CREB1: variants seen among roughly 807,000 people sequenced by gnomAD.
CREB1 encodes cAMP responsive element binding protein 1.
CREB1 carries 2 observed loss-of-function variants against 42.0 expected under a neutral mutation model. The observed-to-expected ratio is 0.05, with a 90% confidence interval of 0.02 to 0.15. The LOEUF is 0.15. Ranked by LOEUF, CREB1 falls within the 10% of genes least tolerant of loss-of-function variation. The pLI, the probability that CREB1 is intolerant of heterozygous loss-of-function variation, is 1.00. For missense variants in CREB1, 199 were observed against 388.9 expected (o/e 0.51, Z 4.11); for synonymous variants, 123 against 139.9 (o/e 0.88, Z 0.85).
chr2:207,590,240 T>C (rs1446967286), intron 7 of CREB1, among the ~76,000 whole-genome samples: 1 of 151,960 alleles, frequency 6.6e-6, no homozygotes. Flanking sequence ...TAGTTTATTA[T>C]TCTTTTACTG....
chr2:207,555,540 A>G, intron 1 of CREB1, 88 bp from the exon 2 acceptor site: 3 of 703,234 alleles, frequency 4.3e-6, no homozygotes, highest in Non-Finnish European at 7.4e-6. Flanking sequence ...CACCACATAT[A>G]TACCTATTTA....
At position 207,604,974 on chromosome 2, in the gene CREB1, C is replaced by T. The variant is rs1436274599; in HGVS notation, c.*7916C>T. Reference sequence around the variant, plus strand: ...TTGTAGATATATACCACAAGTTTATCGATTCATCCAGTTGAGTTGTTTCTA... The same window carrying T: ...TTGTAGATATATACCACAAGTTTATTGATTCATCCAGTTGAGTTGTTTCTA... On this transcript the variant is annotated 3_prime_UTR_variant, in exon 8 of 8. Transcript: ENST00000353267. 1.3e-5 allele frequency among the ~76,000 whole-genome samples: 2 copies of T among 152,146 alleles called. No individual in the cohort carries two copies. The highest frequency in any genetic ancestry group is 2.4e-5 in the African/African-American group (1 of 41,428).
Position 207,581,667 on chromosome 2 carries a change from C to A in CREB1, c.839+4012C>A, listed in dbSNP as rs1574905361. 1.2e-5 allele frequency: 6 copies of A among 482,338 alleles called. No individual in the cohort carries two copies. In the East Asian group the frequency reaches 1.6e-4, roughly 13 times the overall value. 29.9% of individuals were successfully genotyped at this position (482,338 alleles called of 1,614,324 possible). A position where few individuals can be genotyped will look rare whatever the true frequency, so the allele number is the denominator to read the frequency against. ...TTTAAAAATACAGAGTTCCGGATACCCTTCATCCAGCTTTCTCTAATCTTA... is the reference window on the plus strand; with the variant it reads ...TTTAAAAATACAGAGTTCCGGATACACTTCATCCAGCTTTCTCTAATCTTA... On this transcript the variant is annotated intron_variant, in intron 7 of 7. Coordinates refer to ENST00000353267, the MANE Select transcript of CREB1 (RefSeq NM_004379.5).
At chr2:207,570,348 A>G (rs1316200869) in intron 5 of CREB1, 27 bp downstream of exon 5, 3 of 1,556,826 alleles carry the variant, frequency 1.9e-6, no homozygotes, top group Non-Finnish European at 2.6e-6. Context: ...TTCTGTTTCT[A>G]TTGTGAGGAG....
chr2:207,556,092 A>AT (rs1041709220), intron 2 of CREB1, among the ~76,000 whole-genome samples: 63 of 152,218 alleles, frequency 4.1e-4, no homozygotes, highest in African/African-American at 1.4e-3. Flanking sequence ...ACACAGATTT[A>AT]TTTTTTAACA....
chr2:207,557,693 C>CATGT (rs1212138654), intron 2 of CREB1, among the ~76,000 whole-genome samples: 3 of 152,010 alleles, frequency 2.0e-5, no homozygotes, highest in Non-Finnish European at 2.9e-5. Flanking sequence ...ATTGAATGTA[C>CATGT]ATGTGCCTTA....
intron 1 of CREB1, among the ~76,000 whole-genome samples, chr2:207,542,537 AGTT>A (rs1559266477): frequency 1.3e-5 from 2 of 152,090 alleles, no homozygotes; most frequent in African/African-American, 4.8e-5. Flanking sequence ...TTGTTGTAAT[AGTT>A]GTTTATTATT....
At chr2:207,571,741 G>T (rs1249434710) in intron 5 of CREB1, 3 of 455,222 alleles carry the variant, frequency 6.6e-6, no homozygotes, top group Non-Finnish European at 1.3e-5. Flanking sequence ...CAGCATACCT[G>T]AGGGATACAA....
intron 1 of CREB1, among the ~76,000 whole-genome samples, chr2:207,547,380 G>A (rs1175506139): frequency 1.3e-5 from 2 of 152,180 alleles, no homozygotes; most frequent in East Asian, 3.9e-4. Flanking sequence ...TACAGTTTCA[G>A]CATTGAGCTA....
intron 4 of CREB1, chr2:207,568,225 A>G (rs989525633): frequency 2.6e-5 from 4 of 151,950 alleles, no homozygotes; most frequent in African/African-American, 7.3e-5. Context: ...ATATATTCCT[A>G]TTTTTCAAAG....
intron 7 of CREB1, among the ~76,000 whole-genome samples, chr2:207,596,586 G>A (rs1177016390): frequency 1.3e-5 from 2 of 152,054 alleles, no homozygotes; most frequent in African/African-American, 4.8e-5. Flanking sequence ...GGCATGTGCC[G>A]CCACACCCCG....
chr2:207,557,827 T>C (rs1204939353), intron 2 of CREB1, among the ~76,000 whole-genome samples: 1 of 152,216 alleles, frequency 6.6e-6, no homozygotes, highest in Non-Finnish European at 1.5e-5. Context: ...GGAGCCATTA[T>C]ATAAAATTAT....
In CREB1 at chr2:207,555,631, A is replaced by T; in HGVS notation, c.-5A>T. 6.3e-7 allele frequency: 1 copy of T among 1,594,788 alleles called. No homozygotes were observed. Among genetic ancestry groups the T allele is most frequent in the Non-Finnish European group, 8.6e-7 (1 of 1,163,312 alleles). ...ACACTCTTCCATATTATTATAGGTA[A>T]CTAAATGACCATGGAATCTGGAGCC... On this transcript the variant is annotated 5_prime_UTR_variant, in exon 2 of 8. Coordinates refer to ENST00000353267, the MANE Select transcript of CREB1 (RefSeq NM_004379.5).
At position 207,553,354 on chromosome 2, in the gene CREB1, C is replaced by G. The variant is rs574165291; in HGVS notation, c.-8-2274C>G. On this transcript the variant is annotated intron_variant, in intron 1 of 7. Coordinates refer to ENST00000353267, the MANE Select transcript of CREB1 (RefSeq NM_004379.5). The stretch of plus-strand genomic sequence containing the variant: ...AAAGTGCTGGGATTACAGGCGTGAG[C>G]CATCGCGCCGGGCCCAGGTAAACTT... Among the ~76,000 whole-genome samples, 3 of 152,282 alleles carry G rather than the reference C, an allele frequency of 2.0e-5. No homozygotes were observed. The East Asian group carries it at 5.8e-4, about 29-fold the overall frequency.
At chr2:207,555,364 G>A (rs1574821713) in intron 1 of CREB1, among the ~76,000 whole-genome samples, 1 of 152,140 alleles carries the variant, frequency 6.6e-6, no homozygotes, top group African/African-American at 2.4e-5. Flanking sequence ...TTTATTTCTA[G>A]ACAAGGTAAT....
chr2:207,570,455 C>T (rs1485595182), intron 5 of CREB1, 134 bp downstream of exon 5: 1 of 801,984 alleles, frequency 1.2e-6, no homozygotes, highest in South Asian at 2.3e-5. Context: ...ATTATATTTC[C>T]TTTACTCTTC....
chr2:207,575,873 T>TAA (rs2082552815), intron 6 of CREB1, among the ~76,000 whole-genome samples: 2 of 120,180 alleles, frequency 1.7e-5, no homozygotes, highest in South Asian at 5.5e-4. Context: ...ATCTGTAAAA[T>TAA]AAGAGTTGCA....
At chr2:207,574,458 G>A (rs533511061) in intron 5 of CREB1, among the ~76,000 whole-genome samples, 12 of 152,190 alleles carry the variant, frequency 7.9e-5, no homozygotes, top group Non-Finnish European at 1.8e-4. Context: ...ATGTACTGTA[G>A]CATAAAGGTG....
At chr2:207,568,462 C>T (rs2082225193) in intron 4 of CREB1, among the ~76,000 whole-genome samples, 1 of 151,888 alleles carries the variant, frequency 6.6e-6, no homozygotes, top group Non-Finnish European at 1.5e-5. Flanking sequence ...CACATTTGAT[C>T]CTGAAGCAAA....
Sources: gnomAD v4.1 joint callset for allele counts (sites outside exome capture counted in the v4.1 genomes callset) on GRCh38, gnomAD v4.1.1 for gene constraint, MANE v1.5 for transcripts, NCBI Gene and HGNC (gene_info 2026-07-23, HGNC 2026-07-21) for gene names.